The following KATNAL2 variants were observed in gnomAD, a reference collection of about 807,000 sequenced individuals.
KATNAL2 encodes the protein katanin catalytic subunit A1 like 2, also known as katanin p60 ATPase-containing subunit A-like 2.
Under a neutral mutation model 76.3 loss-of-function variants are expected in KATNAL2, and 52 were observed. The ratio of observed to expected loss-of-function variants is 0.68; its 90% CI spans 0.55 to 0.86. The LOEUF is 0.86. Ranked by LOEUF, KATNAL2 falls within the 40% of genes least tolerant of loss-of-function variation. The probability of loss-of-function intolerance (pLI) is 0.00; values close to 1 mark genes in which losing one functional copy is unlikely to be tolerated. For missense variants in KATNAL2, 660 were observed against 668.9 expected (o/e 0.99, Z 0.15); for synonymous variants, 243 against 244.2 (o/e 1.00, Z 0.05).
intron 1 of KATNAL2, among the ~76,000 whole-genome samples, chr18:46,928,922 A>C (rs961393170): frequency 2.6e-5 from 4 of 151,970 alleles, no homozygotes; most frequent in African/African-American, 9.7e-5. Context: ...CAGCCTCCTG[A>C]GTAGCTGTTA....
chr18:47,034,012 T>C lies in KATNAL2; in HGVS notation c.52-12445T>C, dbSNP rs1481783091. The C allele has an allele frequency of 5.0e-6, 8 of 1,613,988 alleles. No homozygotes were observed. In the African/African-American group the frequency reaches 8.0e-5, roughly 16 times the overall value. ...CGAATCCCAGGACTCACGAGTGCCC[T>C]TGGATTCGTTTGCTTTCCTTTGTTT... On this transcript the variant is annotated intron_variant, in intron 3 of 17. Coordinates refer to ENST00000683218, the MANE Select transcript of KATNAL2 (RefSeq NM_001387690.1).
chr18:46,949,355 T>C (rs542779122), intron 3 of KATNAL2, among the ~76,000 whole-genome samples: 20 of 152,210 alleles, frequency 1.3e-4, no homozygotes, highest in Admixed American at 9.8e-4. Context: ...CAGGCTCAGG[T>C]GATTCCCCCA....
chr18:46,955,374 G>A (rs898544505), intron 3 of KATNAL2, among the ~76,000 whole-genome samples: 1 of 150,442 alleles, frequency 6.6e-6, no homozygotes, highest in Non-Finnish European at 1.5e-5. Flanking sequence ...GCGCCACCAC[G>A]CCTGGCTAAT....
rs1466636715 is a variant in KATNAL2 at position 47,100,905 on chromosome 18, C to G, written c.1517C>G (p.Thr506Ser). The G allele has an allele frequency of 4.3e-6, 7 of 1,613,994 alleles. No homozygotes were observed. The highest frequency in any genetic ancestry group is 4.2e-6 in the Non-Finnish European group (5 of 1,180,024). The change falls in exon 18 of 18, where the codon ACC (threonine) becomes AGC (serine). Residue 506 changes from threonine to serine, a missense_variant. Transcript: ENST00000683218. ...DLPRIQLDIV[T>S]TADFLDVLTH... is the part of the protein sequence containing the mutation. ...CCCAGGATCCAGTTGGATATAGTAA[C>G]CACTGCCGACTTTCTGGATGTGCTA...
At chr18:47,035,994 A>G (rs2060758076) in intron 3 of KATNAL2, among the ~76,000 whole-genome samples, 1 of 152,238 alleles carries the variant, frequency 6.6e-6, no homozygotes, top group Non-Finnish European at 1.5e-5. Context: ...TTTATTTCTT[A>G]ACATCTGCTC....
chr18:47,049,156 T>A (rs1016982136), intron 4 of KATNAL2, among the ~76,000 whole-genome samples: 6 of 152,222 alleles, frequency 3.9e-5, no homozygotes, highest in Non-Finnish European at 7.3e-5. Flanking sequence ...TGCTCTTCCC[T>A]TTGCTAATCT....
At chr18:47,068,908 C>T (rs898780475) in intron 11 of KATNAL2, among the ~76,000 whole-genome samples, 7 of 152,110 alleles carry the variant, frequency 4.6e-5, no homozygotes, top group Non-Finnish European at 8.8e-5. Context: ...CTGGGGAAAA[C>T]GATGTTATGC....
intron 6 of KATNAL2, 98 bp downstream of exon 6, chr18:47,054,536 C>T: frequency 8.2e-7 from 1 of 1,212,126 alleles, no homozygotes; most frequent in Non-Finnish European, 1.2e-6. Flanking sequence ...GACTGTCTCC[C>T]AGCAATACTG....
At chr18:47,071,364 C>T (rs942409352) in intron 13 of KATNAL2, among the ~76,000 whole-genome samples, 1 of 152,096 alleles carries the variant, frequency 6.6e-6, no homozygotes, top group Admixed American at 6.5e-5. Flanking sequence ...GGCTTTTCCC[C>T]CAACTTAATA....
chr18:46,950,018 A>G (rs1263272817), intron 3 of KATNAL2, among the ~76,000 whole-genome samples: 1 of 152,166 alleles, frequency 6.6e-6, no homozygotes, highest in African/African-American at 2.4e-5. Context: ...AATAAAGCCC[A>G]ACCTCTGCCT....
At chr18:47,079,323 T>C (rs140586386) in intron 15 of KATNAL2, among the ~76,000 whole-genome samples, 1 of 152,246 alleles carries the variant, frequency 6.6e-6, no homozygotes. Context: ...ACTGAACTGG[T>C]ATCCAAACAA....
chr18:46,959,020 T>C (rs2059849753), intron 3 of KATNAL2, among the ~76,000 whole-genome samples: 2 of 152,264 alleles, frequency 1.3e-5, no homozygotes, highest in Admixed American at 6.5e-5. Flanking sequence ...GTTTTTAAAA[T>C]GAGTGTTGTT....
chr18:46,957,259 T>TTTC (rs1357310604), intron 3 of KATNAL2, among the ~76,000 whole-genome samples: 2 of 142,680 alleles, frequency 1.4e-5, no homozygotes, highest in African/African-American at 5.2e-5. Context: ...CTTTTTTTTT[T>TTTC]TTTTTTTTTT....
rs770138476 is a variant in KATNAL2, at chr18:47,075,257, C to T, written c.1009-20C>T. 6.5e-7 allele frequency: 1 copy of T among 1,536,666 alleles called. No individual in the cohort carries two copies. The highest frequency in any genetic ancestry group is 8.7e-7 in the Non-Finnish European group (1 of 1,150,310). On this transcript the variant is annotated intron_variant, in intron 13 of 17. Coordinates refer to ENST00000683218, the MANE Select transcript of KATNAL2 (RefSeq NM_001387690.1). ...TTAAGTCTATAAGCTTGAACACTTG[C>T]TTGCTTTTCCCCCACCCAGGTGTTA... is the stretch of plus-strand genomic sequence containing the variant.
At chr18:47,037,313 T>C (rs1483357611) in intron 3 of KATNAL2, among the ~76,000 whole-genome samples, 1 of 152,172 alleles carries the variant, frequency 6.6e-6, no homozygotes, top group Non-Finnish European at 1.5e-5. Flanking sequence ...AATTTGATAA[T>C]GGAGGTATAT....
intron 3 of KATNAL2, among the ~76,000 whole-genome samples, chr18:46,961,150 T>C (rs1427289392): frequency 6.6e-6 from 1 of 152,242 alleles, no homozygotes; most frequent in African/African-American, 2.4e-5. Context: ...GGGTAGATTT[T>C]TTAATTTTTT....
Position 46,962,202 on chromosome 18 carries a change from T to C in KATNAL2, c.51+15279T>C, listed in dbSNP as rs1398538168. Among the ~76,000 whole-genome samples the C allele has an allele frequency of 1.6e-4, 23 of 143,584 alleles. 3 individuals are homozygous for C. The highest frequency in any genetic ancestry group is 6.4e-4 in the African/African-American group (23 of 35,832). 94.2% of individuals were successfully genotyped at this position (143,584 alleles called of 152,430 possible). ...CTTTTGTGGAGACGGGGTTTCTCCG[T>C]TTGGCCCAGCCTGTTCTCCACCTCC... On this transcript the variant is annotated intron_variant, in intron 3 of 17. Transcript: ENST00000683218.
chr18:47,053,512 A>C (rs1033578772), intron 5 of KATNAL2, among the ~76,000 whole-genome samples: 1 of 152,226 alleles, frequency 6.6e-6, no homozygotes, highest in Non-Finnish European at 1.5e-5. Flanking sequence ...ATAATGATCA[A>C]TATAATATAA....
chr18:47,084,549 C>T (rs972573617), intron 15 of KATNAL2: 7 of 606,794 alleles, frequency 1.2e-5, no homozygotes, highest in South Asian at 7.8e-5. Flanking sequence ...TGCTCAATGT[C>T]TTTAAAATAC....
Sources: allele counts gnomAD v4.1 joint callset (sites outside exome capture counted in the v4.1 genomes callset), GRCh38; gene constraint gnomAD v4.1.1; transcripts MANE v1.5; gene names NCBI Gene and HGNC (gene_info 2026-07-23, HGNC 2026-07-21).